SLC10A7: variants seen among roughly 807,000 people sequenced by gnomAD.
SLC10A7 encodes sodium/bile acid cotransporter 7.
SLC10A7 carries 29 observed loss-of-function variants against 43.2 expected under a neutral mutation model. That is an observed-to-expected ratio of 0.67 (90% CI 0.50 to 0.92). SLC10A7 has a LOEUF of 0.92. SLC10A7 is among the 40% of genes least tolerant of loss of function. SLC10A7 has a pLI of 0.00. For synonymous variants in SLC10A7, 152 were observed against 144.8 expected, an observed-to-expected ratio of 1.05 and a Z score of -0.35; for missense variants, 295 against 403.2, an observed-to-expected ratio of 0.73 and a Z score of 2.30.
intron 11 of SLC10A7, chr4:146,257,046 T>A (rs1560738184): frequency 1.4e-6 from 1 of 718,964 alleles, no homozygotes; most frequent in East Asian, 2.7e-5. Flanking sequence ...GGAAGAAAAA[T>A]TCACTCTGAT....
intron 5 of SLC10A7, among the ~76,000 whole-genome samples, chr4:146,399,068 G>A (rs1290563288): frequency 6.6e-6 from 1 of 152,212 alleles, no homozygotes; most frequent in Non-Finnish European, 1.5e-5. Context: ...CACTAGGGCG[G>A]TATTCAGGGA....
At chr4:146,486,359 C>G (rs1734923657) in intron 4 of SLC10A7, among the ~76,000 whole-genome samples, 1 of 152,100 alleles carries the variant, frequency 6.6e-6, no homozygotes, top group African/African-American at 2.4e-5. Context: ...ATTTACAAAA[C>G]ATGTTCACAC....
chr4:146,288,010 C>T (rs1396264753), intron 9 of SLC10A7, among the ~76,000 whole-genome samples: 1 of 152,154 alleles, frequency 6.6e-6, no homozygotes, highest in Non-Finnish European at 1.5e-5. Flanking sequence ...AGGATATTTG[C>T]AAGATACGCT....
chr4:146,399,193 T>C (rs1039128953), intron 5 of SLC10A7, among the ~76,000 whole-genome samples: 1 of 151,980 alleles, frequency 6.6e-6, no homozygotes, highest in African/African-American at 2.4e-5. Context: ...TCAAAGGTTC[T>C]GAGGAGAAAA....
chr4:146,470,510 C>T (rs1462529843), intron 4 of SLC10A7, among the ~76,000 whole-genome samples: 1 of 152,006 alleles, frequency 6.6e-6, no homozygotes, highest in African/African-American at 2.4e-5. Flanking sequence ...AAGGACTGCT[C>T]AGATAGAGTT....
chr4:146,486,490 G>T (rs893259963), intron 4 of SLC10A7, among the ~76,000 whole-genome samples: 1 of 152,138 alleles, frequency 6.6e-6, no homozygotes, highest in East Asian at 1.9e-4. Context: ...TACCAATAAG[G>T]TTTCTAATGC....
At chr4:146,328,686 C>T (rs1284574009) in intron 5 of SLC10A7, among the ~76,000 whole-genome samples, 1 of 152,158 alleles carries the variant, frequency 6.6e-6, no homozygotes, top group African/African-American at 2.4e-5. Flanking sequence ...CCATAGCCTC[C>T]ACTAACAACC....
intron 7 of SLC10A7, among the ~76,000 whole-genome samples, chr4:146,303,959 A>G (rs971997455): frequency 7.2e-5 from 11 of 151,848 alleles, no homozygotes; most frequent in Non-Finnish European, 1.6e-4. Context: ...GGCAGAAATA[A>G]GTCTAGAATC....
intron 5 of SLC10A7, among the ~76,000 whole-genome samples, chr4:146,413,415 A>C (rs1449594471): frequency 1.3e-5 from 2 of 152,192 alleles, no homozygotes; most frequent in Admixed American, 1.3e-4. Context: ...TGAGATAAGT[A>C]AGGCAATATG....
At chr4:146,295,469 A>G (rs980045891) in intron 7 of SLC10A7, among the ~76,000 whole-genome samples, 1 of 152,208 alleles carries the variant, frequency 6.6e-6, no homozygotes, top group Admixed American at 6.5e-5. Flanking sequence ...CCCAAACCAT[A>G]GTAATTTATC....
At chr4:146,477,136 G>T (rs1055129236) in intron 4 of SLC10A7, among the ~76,000 whole-genome samples, 15 of 152,170 alleles carry the variant, frequency 9.9e-5, no homozygotes, top group African/African-American at 3.6e-4. Context: ...TGAAATCTCT[G>T]CACTAAATTG....
chr4:146,358,242 G>A (rs6816058), intron 5 of SLC10A7, among the ~76,000 whole-genome samples: 1,664 of 152,214 alleles, frequency 0.011, 24 homozygotes, highest in African/African-American at 0.037. Flanking sequence ...TGGGGAGGAG[G>A]TAGACCAAGG....
chr4:146,326,266 A>G (rs1254054486), intron 5 of SLC10A7, among the ~76,000 whole-genome samples: 1 of 152,128 alleles, frequency 6.6e-6, no homozygotes, highest in African/African-American at 2.4e-5. Flanking sequence ...TCCCTTCCAC[A>G]TTGCACGTGG....
chr4:146,333,021 T>C (rs1733639859), intron 5 of SLC10A7, among the ~76,000 whole-genome samples: 5 of 152,206 alleles, frequency 3.3e-5, no homozygotes, highest in Admixed American at 3.3e-4. Flanking sequence ...TTGAGTACCA[T>C]GTATCCTATA....
intron 10 of SLC10A7, among the ~76,000 whole-genome samples, chr4:146,261,226 G>A (rs1232699496): frequency 2.0e-5 from 3 of 152,176 alleles, no homozygotes; most frequent in African/African-American, 7.2e-5. Context: ...GGAGGAGGAG[G>A]AATTTCTTTC....
chr4:146,344,558 C>T (rs948637017), intron 5 of SLC10A7, among the ~76,000 whole-genome samples: 3 of 151,938 alleles, frequency 2.0e-5, no homozygotes, highest in Non-Finnish European at 4.4e-5. Flanking sequence ...TGGGGACCTA[C>T]GGGTTCCTAA....
In SLC10A7 at chr4:146,493,565, A is replaced by T. The variant is rs1256440513; in HGVS notation, c.396+10284T>A. ...GGCTTGTGTTTTTTTGTTGTTGTTC[A>T]TTGGAATGGAGCTGGGATGCTTTTC... On this transcript the variant is annotated intron_variant, in intron 4 of 11. Transcript: ENST00000335472. Among the ~76,000 whole-genome samples, 3 of 151,080 alleles carry T rather than the reference A, an allele frequency of 2.0e-5. No homozygotes were observed. The South Asian group carries it at 6.3e-4, about 32-fold the overall frequency.
Position 146,479,952 on chromosome 4 carries a change from G to A in SLC10A7, c.396+23897C>T, listed in dbSNP as rs115370523. ...AACATTCAAAAAACAAACAAAAAAA[G>A]CAGAATATCTGTCTCGGAATATTTT... is the stretch of plus-strand genomic sequence containing the variant. On this transcript the variant is annotated intron_variant, in intron 4 of 11. Coordinates refer to ENST00000335472, the MANE Select transcript of SLC10A7 (RefSeq NM_001029998.6). Among the ~76,000 whole-genome samples the A allele has an allele frequency of 6.9e-3, 1,053 of 151,928 alleles. 10 individuals are homozygous for A. The highest frequency in any genetic ancestry group is 0.024 in the African/African-American group (1,005 of 41,434).
intron 5 of SLC10A7, among the ~76,000 whole-genome samples, chr4:146,331,697 T>C (rs1733547717): frequency 6.6e-6 from 1 of 152,182 alleles, no homozygotes; most frequent in South Asian, 2.1e-4. Flanking sequence ...TCTGAACTTG[T>C]ATTAATGGAA....
Sources: gnomAD v4.1 joint callset for allele counts (sites outside exome capture counted in the v4.1 genomes callset) on GRCh38, gnomAD v4.1.1 for gene constraint, MANE v1.5 for transcripts, NCBI Gene and HGNC (gene_info 2026-07-23, HGNC 2026-07-21) for gene names.